Variants in MGAT4C observed in about 807,000 individuals in gnomAD.
The protein encoded by MGAT4C is MGAT4 family member C, also known as alpha-1,3-mannosyl-glycoprotein 4-beta-N-acetylglucosaminyltransferase C.
Under a neutral mutation model 40.1 loss-of-function variants are expected in MGAT4C, and 19 were observed. The observed-to-expected ratio is 0.47, with a 90% CI of 0.33 to 0.70. The LOEUF is 0.70. Among genes scored for constraint, MGAT4C ranks in the 30% least tolerant of loss-of-function variants. The pLI is 0.02. For missense variants in MGAT4C, 491 were observed against 563.2 expected, an observed-to-expected ratio of 0.87 and a Z score of 1.30; for synonymous variants, 181 against 187.1, an observed-to-expected ratio of 0.97 and a Z score of 0.27.
intron 2 of MGAT4C, among the ~76,000 whole-genome samples, chr12:86,436,814 C>T (rs1437656257): frequency 6.6e-6 from 1 of 151,648 alleles, no homozygotes; most frequent in African/African-American, 2.4e-5. Context: ...ACATTGAGAC[C>T]TTTTCCTATG....
intron 2 of MGAT4C, among the ~76,000 whole-genome samples, chr12:86,693,300 C>G (rs995303631): frequency 6.6e-5 from 10 of 152,150 alleles, no homozygotes; most frequent in African/African-American, 1.7e-4. Context: ...TGACCAGTAA[C>G]TTGATAACGG....
chr12:86,780,984 C>T (rs981171829), intron 1 of MGAT4C, among the ~76,000 whole-genome samples: 33 of 151,434 alleles, frequency 2.2e-4, no homozygotes, highest in Admixed American at 1.6e-3. Flanking sequence ...GCAAAAGACA[C>T]GATTTCATTC....
intron 2 of MGAT4C, among the ~76,000 whole-genome samples, chr12:86,513,991 C>T (rs1233938697): frequency 6.6e-6 from 1 of 151,304 alleles, no homozygotes; most frequent in Admixed American, 6.6e-5. Context: ...TTGTCATCAT[C>T]TGACAAGCAG....
At chr12:86,317,057 T>C (rs2136156954) in intron 4 of MGAT4C, among the ~76,000 whole-genome samples, 1 of 151,856 alleles carries the variant, frequency 6.6e-6, no homozygotes, top group African/African-American at 2.4e-5. Flanking sequence ...AAGGAAACCC[T>C]AGAAAAACAT....
In MGAT4C at chr12:85,970,498, G is replaced by A. The variant is rs1883569158; in HGVS notation, c.*8791C>T. On this transcript the variant is annotated 3_prime_UTR_variant, in exon 5 of 5. Transcript: ENST00000611864. The stretch of plus-strand genomic sequence containing the variant: ...TTATGCTAACTTAAAACTTGTGAAT[G>A]TTTAGTGTTATCCAGCTATAATTCT... 1 of 151,218 alleles carries A rather than the reference G, an allele frequency of 6.6e-6. No homozygotes were observed. The highest frequency in any genetic ancestry group is 6.6e-5 in the Admixed American group (1 of 15,152). The allele number at this position is 151,218 out of a possible 1,614,324, so 9.4% of individuals were successfully genotyped here. A position where few individuals can be genotyped will look rare whatever the true frequency, so the allele number is the denominator to read the frequency against.
At chr12:86,463,873 C>A (rs573413832) in intron 2 of MGAT4C, among the ~76,000 whole-genome samples, 1 of 152,146 alleles carries the variant, frequency 6.6e-6, no homozygotes, top group South Asian at 2.1e-4. Context: ...TGAAAAAGAA[C>A]GCAAAACTTA....
At chr12:86,195,372 T>C (rs1181043106) in intron 1 of MGAT4C, among the ~76,000 whole-genome samples, 2 of 152,198 alleles carry the variant, frequency 1.3e-5, no homozygotes, top group Non-Finnish European at 1.5e-5. Context: ...TATTGGATTA[T>C]AGTGATTTTA....
chr12:86,528,584 G>C (rs1958924169), intron 2 of MGAT4C, among the ~76,000 whole-genome samples: 1 of 151,960 alleles, frequency 6.6e-6, no homozygotes, highest in Non-Finnish European at 1.5e-5. Context: ...ATATTTTGCT[G>C]ATGACTGGTA....
chr12:86,490,619 A>T (rs1379105118), intron 2 of MGAT4C, among the ~76,000 whole-genome samples: 1 of 152,198 alleles, frequency 6.6e-6, no homozygotes, highest in Non-Finnish European at 1.5e-5. Flanking sequence ...ATTAAAAGAC[A>T]CAGACTGGCA....
At chr12:86,537,810 G>A (rs1352200925) in intron 2 of MGAT4C, among the ~76,000 whole-genome samples, 3 of 152,146 alleles carry the variant, frequency 2.0e-5, no homozygotes, top group Admixed American at 2.0e-4. Flanking sequence ...TTTTGGGCCA[G>A]GTGTGGTGGC....
chr12:85,998,202 G>A (rs1282410295), intron 2 of MGAT4C, among the ~76,000 whole-genome samples: 2 of 152,170 alleles, frequency 1.3e-5, no homozygotes, highest in African/African-American at 4.8e-5. Flanking sequence ...GGCTAGAGTG[G>A]CTGGGATTCA....
chr12:86,156,372 G>A (rs1372894422), intron 1 of MGAT4C, among the ~76,000 whole-genome samples: 1 of 152,100 alleles, frequency 6.6e-6, no homozygotes, highest in Admixed American at 6.5e-5. Context: ...GTCCAGGCTG[G>A]AGTGCAATGA....
At chr12:86,436,173 CT>C (rs907404176) in intron 2 of MGAT4C, among the ~76,000 whole-genome samples, 3 of 151,834 alleles carry the variant, frequency 2.0e-5, no homozygotes, top group African/African-American at 7.2e-5. Flanking sequence ...GAGATTTTTT[CT>C]TTTTGCATTT....
rs1186952249 is a variant in MGAT4C at position 85,968,040 on chromosome 12, A to C, written c.*11249T>G. On this transcript the variant is annotated 3_prime_UTR_variant, in exon 5 of 5. Coordinates refer to ENST00000611864, the MANE Select transcript of MGAT4C (RefSeq NM_001351288.2). ...CTGTTTCAGCTATCTGAAATTTAAA[A>C]ATTTGACAAATTTTTAAAGTACCCA... 2 of 152,120 alleles carry C rather than the reference A, an allele frequency of 1.3e-5. No homozygotes were observed. Among genetic ancestry groups the C allele is most frequent in the African/African-American group, 4.8e-5 (2 of 41,462 alleles). 9.4% of individuals were successfully genotyped at this position (152,120 alleles called of 1,614,324 possible).
chr12:86,684,532 C>T (rs1181643337), intron 2 of MGAT4C, among the ~76,000 whole-genome samples: 5 of 152,132 alleles, frequency 3.3e-5, no homozygotes, highest in Non-Finnish European at 4.4e-5. Context: ...TTTATAATCC[C>T]TTGGGTATAT....
At chr12:86,409,366 C>T (rs929592549) in intron 3 of MGAT4C, among the ~76,000 whole-genome samples, 21 of 152,066 alleles carry the variant, frequency 1.4e-4, no homozygotes, top group Non-Finnish European at 2.8e-4. Flanking sequence ...TTTATAGAAG[C>T]TGTGAAAGTT....
chr12:86,198,546 A>G (rs902121791), intron 1 of MGAT4C, among the ~76,000 whole-genome samples: 10 of 152,136 alleles, frequency 6.6e-5, no homozygotes, highest in African/African-American at 2.2e-4. Context: ...ATTGCTTCCT[A>G]TTCCATCAGA....
intron 2 of MGAT4C, among the ~76,000 whole-genome samples, chr12:86,698,379 G>A (rs924841866): frequency 2.4e-4 from 37 of 152,018 alleles, no homozygotes; most frequent in Non-Finnish European, 4.6e-4. Flanking sequence ...GTGTCTATGT[G>A]TGTGTGTGTG....
At chr12:86,564,318 T>C (rs905505317) in intron 2 of MGAT4C, among the ~76,000 whole-genome samples, 10 of 152,036 alleles carry the variant, frequency 6.6e-5, no homozygotes, top group Non-Finnish European at 1.3e-4. Flanking sequence ...TTCCTGTCTA[T>C]AAAGCCCACC....
Sources: allele counts gnomAD v4.1 joint callset (sites outside exome capture counted in the v4.1 genomes callset), GRCh38; gene constraint gnomAD v4.1.1; transcripts MANE v1.5; gene names NCBI Gene and HGNC (gene_info 2026-07-23, HGNC 2026-07-21).